Variants in UHRF1 observed in about 807,000 individuals in gnomAD.
UHRF1 encodes the protein ubiquitin like with PHD and ring finger domains 1.
A neutral mutation model predicts 96.5 loss-of-function variants in UHRF1; 9 were observed. The observed-to-expected ratio is 0.09, with a 90% CI of 0.06 to 0.16. UHRF1 has a LOEUF of 0.16. UHRF1 is among the 10% of genes least tolerant of loss of function. The pLI, the probability that UHRF1 is intolerant of heterozygous loss-of-function variation, is 1.00. For missense variants in UHRF1, 626 were observed against 1,131.1 expected (o/e 0.55, Z 6.40); for synonymous variants, 455 against 469.9 (o/e 0.97, Z 0.41).
At chr19:4,937,641 G>T (rs1431101659) in intron 5 of UHRF1, among the ~76,000 whole-genome samples, 1 of 152,158 alleles carries the variant, frequency 6.6e-6, no homozygotes, top group Non-Finnish European at 1.5e-5. Context: ...TAGGATTATA[G>T]GCGTGAGCCA....
intron 15 of UHRF1, among the ~76,000 whole-genome samples, chr19:4,955,442 C>T (rs17884108): frequency 3.3e-5 from 5 of 152,128 alleles, no homozygotes; most frequent in Non-Finnish European, 5.9e-5. Flanking sequence ...TGACATCAGG[C>T]CCCCCGCCTC....
At chr19:4,934,449 T>C (rs563999762) in intron 5 of UHRF1, among the ~76,000 whole-genome samples, 1 of 152,244 alleles carries the variant, frequency 6.6e-6, no homozygotes, top group East Asian at 1.9e-4. Flanking sequence ...AAACTCTGAC[T>C]CCATGAAACA....
chr19:4,952,395 T>A lies in UHRF1; in HGVS notation c.1818+1399T>A, dbSNP rs1480179312. ...AGGCGTAAGCCACCGCTCCCAGCCT[T>A]TTTTTTTTTTTTTTTTTGGAGACAG... is the stretch of plus-strand genomic sequence containing the variant. On this transcript the variant is annotated intron_variant, in intron 13 of 16. Coordinates refer to ENST00000650932, the MANE Select transcript of UHRF1 (RefSeq NM_001048201.3). Among the ~76,000 whole-genome samples the A allele has an allele frequency of 4.6e-3, 418 of 90,698 alleles. 3 individuals are homozygous for A. Among genetic ancestry groups the A allele is most frequent in the African/African-American group, 0.02 (387 of 18,972 alleles). 59.5% of individuals were successfully genotyped at this position (90,698 alleles called of 152,430 possible).
In UHRF1 at chr19:4,942,046, A is replaced by G; in HGVS notation, c.1073+115A>G. On this transcript the variant is annotated intron_variant, in intron 7 of 16. Transcript: ENST00000650932. The stretch of plus-strand genomic sequence containing the variant: ...CGCGGGGGCTCACGCCTGCAATCCC[A>G]GTGCTTTGGGAGGCCGAGGCGGGAG... The G allele has an allele frequency of 7.5e-6, 9 of 1,204,944 alleles. No individual in the cohort carries two copies. In the South Asian group the frequency reaches 2.2e-4, roughly 30 times the overall value. 74.6% of individuals were successfully genotyped at this position (1,204,944 alleles called of 1,614,324 possible).
chr19:4,941,662 C>G, intron 6 of UHRF1, 34 bp downstream of exon 6: 2 of 1,596,636 alleles, frequency 1.3e-6, no homozygotes, highest in South Asian at 2.3e-5. Context: ...CCATCTTCCG[C>G]GGTGGGCACG....
chr19:4,943,630 C>T (rs147416339), intron 7 of UHRF1, among the ~76,000 whole-genome samples: 32 of 152,060 alleles, frequency 2.1e-4, no homozygotes, highest in African/African-American at 6.0e-4. Flanking sequence ...TGGAATTCTC[C>T]GTGGAAGGCC....
upstream of UHRF1, among the ~76,000 whole-genome samples, chr19:4,906,975 G>A (rs2032076492): frequency 1.3e-5 from 2 of 152,260 alleles, no homozygotes; most frequent in Non-Finnish European, 2.9e-5. Flanking sequence ...TGAGGGTCTA[G>A]AATTGTGTGC....
At chr19:4,917,031 C>G (rs2146297634) in intron 2 of UHRF1, among the ~76,000 whole-genome samples, 1 of 151,200 alleles carries the variant, frequency 6.6e-6, no homozygotes, top group South Asian at 2.1e-4. Context: ...AAAGAGAGCC[C>G]CTGAATGTGG....
rs2033056209 is a variant in UHRF1, at chr19:4,931,651, A to G, written c.569+775A>G. Among the ~76,000 whole-genome samples, 2 of 149,666 alleles carry G rather than the reference A, an allele frequency of 1.3e-5. 1 individual carries two copies. Among genetic ancestry groups the G allele is most frequent in the South Asian group, 4.2e-4 (2 of 4,718 alleles). ...GCCTGGCTAATTTTTGTATTTTCAG[A>G]AGAGATGGGGTTTCACTATGTAGGT... On this transcript the variant is annotated intron_variant, in intron 4 of 16. Transcript: ENST00000650932.
At position 4,930,584 on chromosome 19, in the gene UHRF1, A is replaced by G; in HGVS notation, c.409-132A>G. ...CATGGTCAGCGGTTCCCAGCCAGGG[A>G]GGAGAAACCTCGCTGTGGGCATTCG... On this transcript the variant is annotated intron_variant, in intron 3 of 16. Coordinates refer to ENST00000650932, the MANE Select transcript of UHRF1 (RefSeq NM_001048201.3). The surrounding 1 kb of genome is among the most constrained non-coding windows in gnomAD (Gnocchi z 4.4). 2 of 1,155,010 alleles carry G rather than the reference A, an allele frequency of 1.7e-6. No homozygotes were observed. The highest frequency in any genetic ancestry group is 2.4e-6 in the Non-Finnish European group (2 of 819,156). 71.5% of individuals were successfully genotyped at this position (1,155,010 alleles called of 1,614,324 possible). A position where few individuals can be genotyped will look rare whatever the true frequency, so the allele number is the denominator to read the frequency against.
intron 2 of UHRF1, among the ~76,000 whole-genome samples, chr19:4,917,557 C>T (rs753833783): frequency 6.8e-6 from 1 of 146,862 alleles, no homozygotes; most frequent in African/African-American, 2.5e-5. Flanking sequence ...GGGAGGCTGA[C>T]GCAGGAGAAT....
At position 4,960,674 on chromosome 19, in the gene UHRF1, C is replaced by T; in HGVS notation, c.2253C>T (p.Ser751=). ...TCTTACAGGACTGCCTGGACAGATC[C>T]TTTCGGGCACAGGTGTTCAGCTGCC... The part of the protein sequence containing the change: ...HNVCKDCLDR[S]FRAQVFSCPA... The change falls in exon 17 of 17, where the codon TCC becomes TCT. Residue 751 remains serine (S), a synonymous_variant. Coordinates refer to ENST00000650932, the MANE Select transcript of UHRF1 (RefSeq NM_001048201.3). 1 of 1,611,396 alleles carries T rather than the reference C, an allele frequency of 6.2e-7. No individual in the cohort carries two copies. Among genetic ancestry groups the T allele is most frequent in the African/African-American group, 1.3e-5 (1 of 74,994 alleles).
intron 5 of UHRF1, among the ~76,000 whole-genome samples, chr19:4,938,005 T>C (rs1284871904): frequency 2.6e-5 from 4 of 152,048 alleles, no homozygotes; most frequent in Non-Finnish European, 5.9e-5. Context: ...AATACAAAAA[T>C]TAGCTGGGCT....
At chr19:4,913,116 C>T (rs2032348351) in intron 2 of UHRF1, among the ~76,000 whole-genome samples, 1 of 152,106 alleles carries the variant, frequency 6.6e-6, no homozygotes, top group South Asian at 2.1e-4. Flanking sequence ...CAAATGTCTA[C>T]ATCCATGCAA....
chr19:4,949,709 G>A (rs577588506), intron 11 of UHRF1, among the ~76,000 whole-genome samples: 48 of 152,150 alleles, frequency 3.2e-4, no homozygotes, highest in African/African-American at 1.0e-3. Flanking sequence ...TTATGGTCGT[G>A]TGGGCCTATA....
Position 4,954,850 on chromosome 19 carries a change from C to T in UHRF1, c.2130+28C>T. On this transcript the variant is annotated intron_variant, in intron 15 of 16. Transcript: ENST00000650932. This position sits in a 1 kb window ranked among gnomAD's most constrained non-coding sequence, Gnocchi z 5.9. The stretch of plus-strand genomic sequence containing the variant: ...AGGCTCGCACGGCTCACTCGTCGCC[C>T]TGATTTGCGTTGACTGCGGTAAAAT... 6.2e-7 allele frequency: 1 copy of T among 1,609,600 alleles called. No individual in the cohort carries two copies. Among genetic ancestry groups the T allele is most frequent in the Non-Finnish European group, 8.5e-7 (1 of 1,177,818 alleles).
At chr19:4,953,665 T>A (rs2033778339) in intron 13 of UHRF1, among the ~76,000 whole-genome samples, 1 of 152,114 alleles carries the variant, frequency 6.6e-6, no homozygotes, top group South Asian at 2.1e-4. Flanking sequence ...GGGATCTTGC[T>A]ATGTTGCCCA....
At chr19:4,909,753 C>T (rs946571459) in intron 1 of UHRF1, 98 bp downstream of exon 1, 22 of 487,686 alleles carry the variant, frequency 4.5e-5, no homozygotes, top group Non-Finnish European at 7.9e-5. Flanking sequence ...CGGGCGCACG[C>T]ATGTCCCGCA....
chr19:4,956,369 AC>A (rs2033857036), intron 15 of UHRF1, among the ~76,000 whole-genome samples: 1 of 152,188 alleles, frequency 6.6e-6, no homozygotes, highest in African/African-American at 2.4e-5. Flanking sequence ...CCAGCCAGGA[AC>A]CTCTCCTAAA....
Sources: allele counts gnomAD v4.1 joint callset (sites outside exome capture counted in the v4.1 genomes callset), GRCh38; gene constraint gnomAD v4.1.1; non-coding constraint Gnocchi (gnomAD v3.1); transcripts MANE v1.5; gene names NCBI Gene and HGNC (gene_info 2026-07-23, HGNC 2026-07-21).